THSD7B: variants seen among roughly 807,000 people sequenced by gnomAD.
THSD7B encodes thrombospondin type-1 domain-containing protein 7B.
Under a neutral mutation model 213.6 loss-of-function variants are expected in THSD7B, and 138 were observed. The ratio of observed to expected loss-of-function variants is 0.65; its 90% CI spans 0.56 to 0.74. The LOEUF is 0.74. Among genes scored for constraint, THSD7B ranks in the 30% least tolerant of loss-of-function variants. THSD7B has a pLI of 0.00. For synonymous variants in THSD7B, 742 were observed against 687.0 expected, an observed-to-expected ratio of 1.08 and a Z score of -1.25; for missense variants, 1,931 against 1,991.5, an observed-to-expected ratio of 0.97 and a Z score of 0.58.
chr2:137,216,718 A>G (rs1681252950), intron 7 of THSD7B, among the ~76,000 whole-genome samples: 1 of 152,134 alleles, frequency 6.6e-6, no homozygotes, highest in Admixed American at 6.6e-5. Flanking sequence ...AGTTTGTGAA[A>G]TTTCACAGCG....
chr2:137,628,013 T>C (rs1682664235), intron 20 of THSD7B, among the ~76,000 whole-genome samples: 2 of 152,256 alleles, frequency 1.3e-5, no homozygotes, highest in South Asian at 4.1e-4. Flanking sequence ...AAATTCTTTA[T>C]CTATAAATTG....
At chr2:137,157,689 G>T (rs1679937146) in intron 5 of THSD7B, among the ~76,000 whole-genome samples, 1 of 152,182 alleles carries the variant, frequency 6.6e-6, no homozygotes, top group Non-Finnish European at 1.5e-5. Context: ...CAGGTCCACT[G>T]CTCACTAGCT....
chr2:137,583,864 A>G (rs1302755498), intron 17 of THSD7B, among the ~76,000 whole-genome samples: 2 of 152,244 alleles, frequency 1.3e-5, no homozygotes, highest in South Asian at 2.1e-4. Context: ...GTTTTTTCCA[A>G]TTCTGTGAAG....
chr2:137,088,208 C>A (rs557365946), intron 3 of THSD7B, among the ~76,000 whole-genome samples: 1 of 151,682 alleles, frequency 6.6e-6, no homozygotes, highest in African/African-American at 2.4e-5. Flanking sequence ...CCACTGCACT[C>A]CAGCCTGGGT....
Position 136,864,530 on chromosome 2 carries a change from C to T in THSD7B, c.-35-17614C>T, listed in dbSNP as rs973378400. Among the ~76,000 whole-genome samples the T allele has an allele frequency of 7.2e-5, 11 of 151,976 alleles. No homozygotes were observed. The South Asian group carries it at 2.3e-3, about 32-fold the overall frequency. ...GTTACTTTTTAAACATATCATATTT[C>T]TTTTTTATCATTTTCTATATTTTCT... On this transcript the variant is annotated intron_variant, in intron 1 of 27. Transcript: ENST00000409968.
chr2:137,624,194 C>T (rs2104845880), intron 20 of THSD7B, among the ~76,000 whole-genome samples: 1 of 152,336 alleles, frequency 6.6e-6, no homozygotes, highest in Non-Finnish European at 1.5e-5. Flanking sequence ...ACCATCTGAT[C>T]TTTGACAAAC....
chr2:136,792,434 T>C (rs1282749378), intron 1 of THSD7B, among the ~76,000 whole-genome samples: 2 of 151,922 alleles, frequency 1.3e-5, no homozygotes, highest in Non-Finnish European at 2.9e-5. Flanking sequence ...GAAACAATAA[T>C]GGTGGATACC....
intron 4 of THSD7B, among the ~76,000 whole-genome samples, chr2:137,108,893 G>C (rs1345444157): frequency 1.3e-5 from 2 of 152,008 alleles, no homozygotes; most frequent in Admixed American, 1.3e-4. Context: ...TATAATACGT[G>C]GTGTCCTTAA....
chr2:137,372,283 A>G (rs1573990115), intron 12 of THSD7B, among the ~76,000 whole-genome samples: 1 of 133,610 alleles, frequency 7.5e-6, no homozygotes, highest in Admixed American at 7.9e-5. Flanking sequence ...CCCCTCAGCT[A>G]TGCCTTTGGC....
chr2:137,229,462 C>T (rs533962317), intron 7 of THSD7B, among the ~76,000 whole-genome samples: 3 of 152,166 alleles, frequency 2.0e-5, no homozygotes, highest in Admixed American at 6.6e-5. Flanking sequence ...TCTGCTAGAA[C>T]GTCTATTACT....
At chr2:137,071,712 G>A (rs1446000654) in intron 3 of THSD7B, among the ~76,000 whole-genome samples, 1 of 152,124 alleles carries the variant, frequency 6.6e-6, no homozygotes, top group Non-Finnish European at 1.5e-5. Context: ...TATTGCCTAG[G>A]TTTTCTTCTA....
At chr2:137,422,739 A>T in intron 14 of THSD7B, among the ~76,000 whole-genome samples, 1 of 152,070 alleles carries the variant, frequency 6.6e-6, no homozygotes, top group African/African-American at 2.4e-5. Context: ...CCATACTTTA[A>T]TTTTTTTTAA....
intron 1 of THSD7B, among the ~76,000 whole-genome samples, chr2:136,852,601 T>A (rs1683117252): frequency 6.6e-6 from 1 of 152,242 alleles, no homozygotes; most frequent in Non-Finnish European, 1.5e-5. Context: ...TTGTGATTAT[T>A]TGTTATGGTA....
chr2:137,203,532 C>A lies in THSD7B; in HGVS notation c.1724-27512C>A, dbSNP rs541235346. On this transcript the variant is annotated intron_variant, in intron 7 of 27. Transcript: ENST00000409968. ...CTTGACCATGCTCCTGGTTCTAGGC[C>A]AAAATTCCATATTTCTTTTTTAGTG... Among the ~76,000 whole-genome samples the A allele has an allele frequency of 2.0e-5, 3 of 151,710 alleles. No homozygotes were observed. The Middle Eastern group carries it at 0.01, about 516-fold the overall frequency.
chr2:137,529,377 C>A (rs1245815373), intron 15 of THSD7B, among the ~76,000 whole-genome samples: 1 of 151,900 alleles, frequency 6.6e-6, no homozygotes, highest in Non-Finnish European at 1.5e-5. Flanking sequence ...AGCTCTTTCA[C>A]CTAAAATTTA....
chr2:136,807,509 G>GTTTTTTTGTT (rs1553449764), intron 1 of THSD7B, among the ~76,000 whole-genome samples: 2 of 104,896 alleles, frequency 1.9e-5, no homozygotes, highest in African/African-American at 3.7e-5. Context: ...AAAATGTTTC[G>GTTTTTTTGTT]TTTTTTTTTT....
intron 1 of THSD7B, among the ~76,000 whole-genome samples, chr2:136,798,434 G>A (rs1682111457): frequency 6.6e-6 from 1 of 151,928 alleles, no homozygotes; most frequent in South Asian, 2.1e-4. Flanking sequence ...ATTATGATGG[G>A]TAGGGAAAGA....
intron 15 of THSD7B, among the ~76,000 whole-genome samples, chr2:137,500,303 A>G (rs1261681157): frequency 2.0e-5 from 3 of 152,258 alleles, no homozygotes; most frequent in Non-Finnish European, 2.9e-5. Flanking sequence ...TCAATCTACC[A>G]CAGGAAAAAC....
chr2:137,480,040 TCTAGG>T (rs1688271601), intron 15 of THSD7B, among the ~76,000 whole-genome samples: 1 of 152,206 alleles, frequency 6.6e-6, no homozygotes. Context: ...TGGGAAGCTA[TCTAGG>T]CACCCAACGA....
Sources: gnomAD v4.1 joint callset for allele counts (sites outside exome capture counted in the v4.1 genomes callset) on GRCh38, gnomAD v4.1.1 for gene constraint, MANE v1.5 for transcripts, NCBI Gene and HGNC (gene_info 2026-07-23, HGNC 2026-07-21) for gene names.